Variants in CHD6 observed in about 807,000 individuals in gnomAD.
CHD6 encodes ATP-dependent chromatin remodeler CHD6.
A neutral mutation model predicts 276.9 loss-of-function variants in CHD6; 50 were observed. The observed-to-expected ratio is 0.18, with a 90% CI of 0.14 to 0.23. CHD6 has a LOEUF of 0.23. Ranked by LOEUF, CHD6 falls within the 10% of genes least tolerant of loss-of-function variation. The probability of loss-of-function intolerance (pLI) is 1.00; values close to 1 mark genes in which losing one functional copy is unlikely to be tolerated. For synonymous variants in CHD6, 1,173 were observed against 1,229.3 expected (o/e 0.95, Z 0.96); for missense variants, 2,564 against 3,365.8 (o/e 0.76, Z 5.89).
chr20:41,452,073 C>A lies in CHD6; in HGVS notation c.3324-48G>T. ...GTGTTGGAGGGAGAATGGACCAGGC[C>A]ATGCAGGCAGCCTCCCCACAGGAGG... On this transcript the variant is annotated intron_variant, in intron 21 of 36. Transcript: ENST00000373233. This position sits in a 1 kb window ranked among gnomAD's most constrained non-coding sequence, Gnocchi z 4.2. 1 of 1,458,598 alleles carries A rather than the reference C, an allele frequency of 6.9e-7. No individual in the cohort carries two copies. Among genetic ancestry groups the A allele is most frequent in the East Asian group, 2.3e-5 (1 of 43,522 alleles). 90.4% of individuals were successfully genotyped at this position (1,458,598 alleles called of 1,614,324 possible).
chr20:41,533,426 C>T lies in CHD6; in HGVS notation c.178G>A (p.Asp60Asn), dbSNP rs200367561. The T allele has an allele frequency of 6.2e-6, 10 of 1,614,018 alleles. No individual in the cohort carries two copies. The highest frequency in any genetic ancestry group is 8.5e-6 in the Non-Finnish European group (10 of 1,180,026). Residue 60 changes from aspartate (D) to asparagine (N), a missense_variant, in exon 3 of 37, where the codon GAC (aspartate) becomes AAC (asparagine). Around this residue, in one of 7 missense-constraint regions of CHD6, gnomAD observed 286 missense variants for 297.8 expected, o/e 0.96. Transcript: ENST00000373233. ...DVASHCLPQK[D>N]LYTAEEEAAT... ...GCTTCCTCTTCAGCAGTATACAGGT[C>T]CTTCTGAGGCAGACAGTGACTAGCA...
At chr20:41,588,009 T>C (rs1280870528) in intron 1 of CHD6, among the ~76,000 whole-genome samples, 1 of 151,440 alleles carries the variant, frequency 6.6e-6, no homozygotes, top group Non-Finnish European at 1.5e-5. Flanking sequence ...AGAGGGAGCA[T>C]AGTGTATAAG....
intron 2 of CHD6, among the ~76,000 whole-genome samples, chr20:41,534,452 C>T (rs935712584): frequency 2.0e-5 from 3 of 152,136 alleles, no homozygotes; most frequent in Admixed American, 1.3e-4. Context: ...CTGGTAGTTA[C>T]AGAGACTGTA....
At chr20:41,476,993 T>G (rs998186203) in intron 16 of CHD6, among the ~76,000 whole-genome samples, 1 of 151,962 alleles carries the variant, frequency 6.6e-6, no homozygotes, top group African/African-American at 2.4e-5. Context: ...CCCCAGCAAT[T>G]TGGGAGGCCA....
chr20:41,431,929 C>T lies in CHD6; in HGVS notation c.4068+5345G>A, dbSNP rs1289993156. 5.3e-5 allele frequency among the ~76,000 whole-genome samples: 8 copies of T among 151,810 alleles called. No individual in the cohort carries two copies. The East Asian group carries it at 5.8e-4, about 11-fold the overall frequency. ...ATCCCAGCACTTTTGGAGGCCAAGG[C>T]GGGTGGATCACCTGAGGTCAGGAGT... On this transcript the variant is annotated intron_variant, in intron 27 of 36. Transcript: ENST00000373233.
intron 25 of CHD6, among the ~76,000 whole-genome samples, chr20:41,441,825 A>G (rs1156319682): frequency 6.6e-6 from 1 of 152,210 alleles, no homozygotes; most frequent in African/African-American, 2.4e-5. Flanking sequence ...TGACAGACCC[A>G]TGAGGGGGTG....
At chr20:41,474,165 G>A (rs905121779) in intron 16 of CHD6, among the ~76,000 whole-genome samples, 1 of 152,170 alleles carries the variant, frequency 6.6e-6, no homozygotes, top group Non-Finnish European at 1.5e-5. Flanking sequence ...TGTGTGTGGG[G>A]TGAAGGAACT....
At chr20:41,601,362 C>T (rs1353138786) in intron 1 of CHD6, among the ~76,000 whole-genome samples, 2 of 152,162 alleles carry the variant, frequency 1.3e-5, no homozygotes, top group African/African-American at 2.4e-5. Context: ...AATTTATATG[C>T]CCAACTCTAG....
At chr20:41,531,234 T>C (rs1277566162) in intron 3 of CHD6, among the ~76,000 whole-genome samples, 1 of 152,202 alleles carries the variant, frequency 6.6e-6, no homozygotes, top group Non-Finnish European at 1.5e-5. Flanking sequence ...CCTATGGCTT[T>C]CTAATGTCTT....
chr20:41,482,250 G>A (rs887942026), intron 16 of CHD6, among the ~76,000 whole-genome samples: 1 of 152,072 alleles, frequency 6.6e-6, no homozygotes, highest in African/African-American at 2.4e-5. Context: ...AATCTATAGT[G>A]AATTGAAAGC....
intron 2 of CHD6, among the ~76,000 whole-genome samples, chr20:41,534,007 GT>G (rs1369568178): frequency 6.6e-6 from 1 of 152,222 alleles, no homozygotes; most frequent in Non-Finnish European, 1.5e-5. Context: ...TTGCAAAGCT[GT>G]TTTTGAGCAC....
Position 41,421,828 on chromosome 20 carries a change from C to T in CHD6, c.4807G>A (p.Asp1603Asn), listed in dbSNP as rs1024001352. 5 of 1,614,018 alleles carry T rather than the reference C, an allele frequency of 3.1e-6. No homozygotes were observed. Among genetic ancestry groups the T allele is most frequent in the African/African-American group, 1.3e-5 (1 of 74,916 alleles). The change falls in exon 31 of 37, where the codon GAC becomes AAC. Residue 1603 changes from aspartate to asparagine, a missense_variant. Around this residue, in one of 7 missense-constraint regions of CHD6, gnomAD observed 515 missense variants for 739.5 expected, o/e 0.70. Transcript: ENST00000373233. ...GCATCCAGGAAGGACAGCTGGGGGTCGTTCATGATGTAACAGTCAGTGCGG... is the reference window on the plus strand; with the variant it reads ...GCATCCAGGAAGGACAGCTGGGGGTTGTTCATGATGTAACAGTCAGTGCGG... ...LNRTDCYIMN[D>N]PQLSFLDAYR...
intron 3 of CHD6, among the ~76,000 whole-genome samples, chr20:41,524,423 T>C (rs771910023): frequency 6.6e-6 from 1 of 152,176 alleles, no homozygotes; most frequent in Non-Finnish European, 1.5e-5. Flanking sequence ...TTAGAGAGGT[T>C]TGTGATATTG....
At chr20:41,475,140 T>C (rs952275188) in intron 16 of CHD6, among the ~76,000 whole-genome samples, 10 of 152,316 alleles carry the variant, frequency 6.6e-5, no homozygotes, top group African/African-American at 1.4e-4. Context: ...ACAATAATAA[T>C]ATTAGCAGCA....
intron 1 of CHD6, among the ~76,000 whole-genome samples, chr20:41,587,149 T>C (rs992697328): frequency 2.6e-5 from 4 of 152,218 alleles, no homozygotes; most frequent in Non-Finnish European, 5.9e-5. Context: ...TAAAAATCAA[T>C]TACATTTCAA....
At position 41,617,590 on chromosome 20, in the gene CHD6, G is replaced by C. The variant is rs147579728; in HGVS notation, c.-24+750C>G. ...GGACTCCGTTACTTCTCAACAGCGA[G>C]GAAAATAAATACCTTGAAGAGGACA... On this transcript the variant is annotated intron_variant, in intron 1 of 36. Transcript: ENST00000373233. Among the ~76,000 whole-genome samples, 3 of 152,310 alleles carry C rather than the reference G, an allele frequency of 2.0e-5. No individual in the cohort carries two copies. The East Asian group carries it at 5.8e-4, about 29-fold the overall frequency.
intron 3 of CHD6, among the ~76,000 whole-genome samples, chr20:41,527,500 T>A (rs901064428): frequency 6.6e-6 from 1 of 152,086 alleles, no homozygotes; most frequent in Non-Finnish European, 1.5e-5. Context: ...AAGAGCTGGC[T>A]ACAGACCTAC....
rs146440204 is a variant in CHD6, at chr20:41,518,755, C to T, written c.555-3803G>A. 5.6e-3 allele frequency among the ~76,000 whole-genome samples: 852 copies of T among 152,188 alleles called. 8 individuals carry two copies. Among genetic ancestry groups the T allele is most frequent in the Middle Eastern group, 0.024 (7 of 294 alleles). Reference sequence around the variant, plus strand: ...AGTCAAGTTTCAGGAAGAAAAGATTCCCTGAAAGCTTACAAGTGGGATCTT... The same window carrying T: ...AGTCAAGTTTCAGGAAGAAAAGATTTCCTGAAAGCTTACAAGTGGGATCTT... On this transcript the variant is annotated intron_variant, in intron 3 of 36. Transcript: ENST00000373233.
At chr20:41,463,170 A>C (rs2042841669) in intron 17 of CHD6, among the ~76,000 whole-genome samples, 1 of 152,226 alleles carries the variant, frequency 6.6e-6, no homozygotes, top group South Asian at 2.1e-4. Context: ...TAAATAAAAA[A>C]AGAACCCATG....
Sources: allele counts gnomAD v4.1 joint callset (sites outside exome capture counted in the v4.1 genomes callset), GRCh38; gene constraint gnomAD v4.1.1; regional missense constraint gnomAD v4.1.1; non-coding constraint Gnocchi (gnomAD v3.1); transcripts MANE v1.5; gene names NCBI Gene and HGNC (gene_info 2026-07-23, HGNC 2026-07-21).